Variants in CSGALNACT1 observed in about 807,000 individuals in gnomAD.
CSGALNACT1 encodes chondroitin sulfate N-acetylgalactosaminyltransferase 1, also known as beta4GalNAcT-1.
Under a neutral mutation model 51.0 loss-of-function variants are expected in CSGALNACT1, and 52 were observed. The observed-to-expected ratio is 1.02, with a 90% confidence interval of 0.82 to 1.29. The LOEUF (loss-of-function observed/expected upper bound fraction) is 1.29, where lower values mean the gene tolerates loss of function less well. Among genes scored for constraint, CSGALNACT1 ranks in the 50% most tolerant of loss-of-function variants. CSGALNACT1 has a pLI of 0.00. For synonymous variants in CSGALNACT1, 341 were observed against 254.4 expected, an observed-to-expected ratio of 1.34 and a Z score of -3.24; for missense variants, 935 against 679.2, an observed-to-expected ratio of 1.38 and a Z score of -4.19.
chr8:19,649,276 A>G (rs73214674), intron 1 of CSGALNACT1, among the ~76,000 whole-genome samples: 1 of 151,468 alleles, frequency 6.6e-6, no homozygotes, highest in Non-Finnish European at 1.5e-5. Context: ...TAGTGTAGAT[A>G]TTAGCTATGA....
At chr8:19,462,883 C>T (rs1468058272) in intron 4 of CSGALNACT1, among the ~76,000 whole-genome samples, 1 of 151,886 alleles carries the variant, frequency 6.6e-6, no homozygotes, top group Non-Finnish European at 1.5e-5. Flanking sequence ...CTGCATGTTG[C>T]AGGGGTTTAG....
At chr8:19,685,512 A>G (rs1316000389), upstream of CSGALNACT1, among the ~76,000 whole-genome samples, 1 of 150,962 alleles carries the variant, frequency 6.6e-6, no homozygotes, top group Non-Finnish European at 1.5e-5. Context: ...ACAAAGAAAT[A>G]AAACAAGAAA....
chr8:19,691,890 G>A (rs187994439), intron 1 of CSGALNACT1, among the ~76,000 whole-genome samples: 119 of 143,820 alleles, frequency 8.3e-4, no homozygotes, highest in African/African-American at 2.5e-3. Flanking sequence ...GTATTGCACC[G>A]TTTTCACACT....
intron 1 of CSGALNACT1, among the ~76,000 whole-genome samples, chr8:19,745,928 G>A (rs2064631062): frequency 6.6e-6 from 1 of 152,146 alleles, no homozygotes; most frequent in East Asian, 1.9e-4. Context: ...AGGGGAGTTG[G>A]CCAACAGGAA....
intron 3 of CSGALNACT1, among the ~76,000 whole-genome samples, chr8:19,520,109 C>T (rs1478361971): frequency 1.3e-5 from 2 of 152,238 alleles, no homozygotes; most frequent in Non-Finnish European, 2.9e-5. Flanking sequence ...CTCAGCTCTC[C>T]TCTTCCTTCC....
At chr8:19,618,251 G>A (rs146743037) in intron 1 of CSGALNACT1, among the ~76,000 whole-genome samples, 1 of 152,226 alleles carries the variant, frequency 6.6e-6, no homozygotes, top group African/African-American at 2.4e-5. Flanking sequence ...GGTTGCTCAG[G>A]AAGATCTATG....
chr8:19,651,575 T>C (rs962919779), intron 1 of CSGALNACT1, among the ~76,000 whole-genome samples: 3 of 152,234 alleles, frequency 2.0e-5, no homozygotes, highest in Non-Finnish European at 4.4e-5. Context: ...TCCATACTTG[T>C]TGCTGCAAAG....
At position 19,583,482 on chromosome 8, in the gene CSGALNACT1, A is replaced by G. The variant is rs376654996; in HGVS notation, c.-297+7678T>C. Among the ~76,000 whole-genome samples, 4 of 152,290 alleles carry G rather than the reference A, an allele frequency of 2.6e-5. No individual in the cohort carries two copies. The East Asian group carries it at 5.8e-4, about 22-fold the overall frequency. On this transcript the variant is annotated intron_variant, in intron 3 of 9. Coordinates refer to ENST00000454498, the Ensembl canonical transcript of CSGALNACT1. ...GATCTGATGCAAAATTATGGCCTAT[A>G]TATAGTACCAGATCAGCTTCTGGCA...
intron 4 of CSGALNACT1, among the ~76,000 whole-genome samples, chr8:19,461,912 G>A (rs62496184): frequency 0.33 from 30,792 of 92,444 alleles, 6,832 homozygotes; most frequent in East Asian, 0.79. Context: ...GGGTGTATCC[G>A]CACAGCACCC....
intron 9 of CSGALNACT1, among the ~76,000 whole-genome samples, chr8:19,406,833 C>T (rs1490792110): frequency 6.6e-6 from 1 of 152,060 alleles, no homozygotes; most frequent in Non-Finnish European, 1.5e-5. Context: ...CTCAGCCTCC[C>T]AAGTAGCTAG....
chr8:19,496,342 T>A (rs776133192), intron 4 of CSGALNACT1, among the ~76,000 whole-genome samples: 1 of 152,160 alleles, frequency 6.6e-6, no homozygotes, highest in Non-Finnish European at 1.5e-5. Context: ...ACTTCCAGAT[T>A]TGGGGTGTTA....
chr8:19,500,941 T>C (rs1025865161), intron 4 of CSGALNACT1, among the ~76,000 whole-genome samples: 8 of 152,108 alleles, frequency 5.3e-5, no homozygotes, highest in Non-Finnish European at 1.2e-4. Context: ...TGCAGTGTCC[T>C]CCCAGGATAA....
chr8:19,622,068 T>A (rs1263309654), intron 1 of CSGALNACT1, among the ~76,000 whole-genome samples: 1 of 152,210 alleles, frequency 6.6e-6, no homozygotes, highest in African/African-American at 2.4e-5. Flanking sequence ...AGCTACAAAA[T>A]GGCCACTGGT....
At chr8:19,469,706 G>A (rs2067644360) in intron 4 of CSGALNACT1, among the ~76,000 whole-genome samples, 1 of 152,126 alleles carries the variant, frequency 6.6e-6, no homozygotes, top group African/African-American at 2.4e-5. Flanking sequence ...TCCTCAATGA[G>A]GCTTTACCTA....
chr8:19,681,914 C>T (rs1442041441), intron 1 of CSGALNACT1, among the ~76,000 whole-genome samples: 3 of 152,212 alleles, frequency 2.0e-5, no homozygotes, highest in Non-Finnish European at 4.4e-5. Context: ...CTCCAGGTCT[C>T]CCTGGGCCTG....
At chr8:19,693,237 A>G (rs1207409416) in intron 1 of CSGALNACT1, among the ~76,000 whole-genome samples, 1 of 151,838 alleles carries the variant, frequency 6.6e-6, no homozygotes, top group Non-Finnish European at 1.5e-5. Context: ...GCTTGTGGTG[A>G]TATCTCCAGC....
intron 6 of CSGALNACT1, among the ~76,000 whole-genome samples, chr8:19,432,436 G>A (rs1026035108): frequency 3.3e-5 from 5 of 152,134 alleles, no homozygotes; most frequent in African/African-American, 7.2e-5. Context: ...TCTATTTGGA[G>A]TTAAGATTAT....
At chr8:19,446,733 C>T (rs980295107) in intron 5 of CSGALNACT1, among the ~76,000 whole-genome samples, 16 of 152,126 alleles carry the variant, frequency 1.1e-4, no homozygotes, top group African/African-American at 3.9e-4. Context: ...AGGCTGGTCT[C>T]GAACTCCTGA....
Position 19,418,795 on chromosome 8 carries a change from G to A in CSGALNACT1, c.1133-45C>T, listed in dbSNP as rs1407059402. 7 of 1,355,192 alleles carry A rather than the reference G, an allele frequency of 5.2e-6. No individual in the cohort carries two copies. In the African/African-American group the frequency reaches 7.2e-5, roughly 14 times the overall value. The allele number at this position is 1,355,192 out of a possible 1,614,324, so 83.9% of individuals were successfully genotyped here. On this transcript the variant is annotated intron_variant, in intron 7 of 9. Coordinates refer to ENST00000454498, the Ensembl canonical transcript of CSGALNACT1. The stretch of plus-strand genomic sequence containing the variant: ...CATTCACTTAAAGTGACAGATCCAA[G>A]TAGTAGGTTTGTTCCTTGACATTTG...
Sources: allele counts gnomAD v4.1 joint callset (sites outside exome capture counted in the v4.1 genomes callset), GRCh38; gene constraint gnomAD v4.1.1; transcripts MANE v1.5; gene names NCBI Gene and HGNC (gene_info 2026-07-23, HGNC 2026-07-21).